Variants in FRMD3 observed in about 807,000 individuals in gnomAD.
FRMD3 encodes the protein FERM domain-containing protein 3.
FRMD3 carries 33 observed loss-of-function variants against 70.2 expected under a neutral mutation model. That is an observed-to-expected ratio of 0.47 (90% CI 0.36 to 0.63). FRMD3 has a LOEUF of 0.63. Ranked by LOEUF, FRMD3 falls within the 20% of genes least tolerant of loss-of-function variation. FRMD3 has a pLI of 0.00. For synonymous variants in FRMD3, 279 were observed against 255.9 expected (o/e 1.09, Z -0.86); for missense variants, 632 against 711.4 (o/e 0.89, Z 1.27).
chr9:83,265,550 G>A (rs1195291045), intron 13 of FRMD3, among the ~76,000 whole-genome samples: 1 of 151,946 alleles, frequency 6.6e-6, no homozygotes, highest in Non-Finnish European at 1.5e-5. Flanking sequence ...CAATCTATAA[G>A]GAAAGGACAA....
intron 1 of FRMD3, among the ~76,000 whole-genome samples, chr9:83,416,208 C>T (rs147730247): frequency 2.6e-4 from 39 of 152,340 alleles, no homozygotes; most frequent in Non-Finnish European, 3.7e-4. Flanking sequence ...TTCTCAACCA[C>T]GGTTTCCATT....
the FRMD3 span, among the ~76,000 whole-genome samples, chr9:83,560,555 G>A: frequency 6.6e-6 from 1 of 152,296 alleles, no homozygotes; most frequent in African/African-American, 2.4e-5. Flanking sequence ...GAGAATAAAT[G>A]CGTGTTGTTT....
chr9:83,430,518 T>G (rs1322418997), intron 1 of FRMD3, among the ~76,000 whole-genome samples: 1 of 152,184 alleles, frequency 6.6e-6, no homozygotes, highest in Non-Finnish European at 1.5e-5. Context: ...AGCTGGCAGA[T>G]CATAAGTCTC....
intron 1 of FRMD3, among the ~76,000 whole-genome samples, chr9:83,400,536 TTC>T (rs1825925101): frequency 1.3e-5 from 2 of 152,208 alleles, no homozygotes; most frequent in Non-Finnish European, 1.5e-5. Flanking sequence ...GACAGTCAGA[TTC>T]TGATGTTTTG....
chr9:83,303,287 G>T (rs1319801843), intron 10 of FRMD3, among the ~76,000 whole-genome samples: 2 of 152,140 alleles, frequency 1.3e-5, no homozygotes, highest in Admixed American at 6.5e-5. Context: ...CAGGAGGAAG[G>T]GATCCGCATT....
the FRMD3 span, among the ~76,000 whole-genome samples, chr9:83,578,660 T>C: frequency 1.3e-5 from 2 of 151,798 alleles, no homozygotes; most frequent in African/African-American, 4.8e-5. Context: ...CTTAACAGAT[T>C]AGGTACAGAA....
chr9:83,357,963 C>T (rs146665489), intron 3 of FRMD3, among the ~76,000 whole-genome samples: 3,301 of 152,098 alleles, frequency 0.022, 58 homozygotes, highest in Middle Eastern at 0.031. Context: ...TTTTGTTGCA[C>T]TTGCTTTTGG....
At chr9:83,506,205 T>A (rs1829178365) in intron 1 of FRMD3, among the ~76,000 whole-genome samples, 1 of 152,228 alleles carries the variant, frequency 6.6e-6, no homozygotes, top group South Asian at 2.1e-4. Context: ...GATTTTTTTT[T>A]AAAGTTAAAG....
intron 13 of FRMD3, among the ~76,000 whole-genome samples, chr9:83,260,582 C>T (rs573301989): frequency 6.6e-6 from 1 of 152,226 alleles, no homozygotes; most frequent in South Asian, 2.1e-4. Context: ...CCTTTTCACT[C>T]TCAAATAAAT....
chr9:83,513,336 G>T (rs1829382080), intron 1 of FRMD3, among the ~76,000 whole-genome samples: 1 of 152,222 alleles, frequency 6.6e-6, no homozygotes, highest in Admixed American at 6.5e-5. Flanking sequence ...TCTGCAGAGA[G>T]TACTAACCTC....
intron 13 of FRMD3, chr9:83,279,010 C>T (rs925853900): frequency 2.0e-5 from 3 of 152,286 alleles, no homozygotes; most frequent in African/African-American, 7.2e-5. Flanking sequence ...AGGTGCTAGG[C>T]AGGTACTGAG....
intron 12 of FRMD3, among the ~76,000 whole-genome samples, chr9:83,293,346 G>A (rs1389476368): frequency 6.6e-6 from 1 of 152,134 alleles, no homozygotes; most frequent in Non-Finnish European, 1.5e-5. Context: ...TGTGTGGTCT[G>A]TGTAGCTTTC....
chr9:83,584,640 C>A, the FRMD3 span, among the ~76,000 whole-genome samples: 6 of 152,262 alleles, frequency 3.9e-5, no homozygotes, highest in South Asian at 8.3e-4. Context: ...AGATTTCAAG[C>A]AAATTTCACT....
At chr9:83,512,436 G>A (rs1198261999) in intron 1 of FRMD3, among the ~76,000 whole-genome samples, 1 of 152,174 alleles carries the variant, frequency 6.6e-6, no homozygotes, top group South Asian at 2.1e-4. Flanking sequence ...GAGAGTGGCT[G>A]GGAGTATCAC....
intron 10 of FRMD3, among the ~76,000 whole-genome samples, chr9:83,302,940 C>T (rs192399928): frequency 1.2e-4 from 18 of 152,308 alleles, no homozygotes; most frequent in Admixed American, 2.6e-4. Flanking sequence ...AAAGTCCCAA[C>T]ACAAGAAGTA....
chr9:83,359,776 C>T (rs1488381571), intron 3 of FRMD3, among the ~76,000 whole-genome samples: 5 of 152,088 alleles, frequency 3.3e-5, no homozygotes, highest in African/African-American at 7.2e-5. Flanking sequence ...CTAGGTGTGG[C>T]CTGCGACCCG....
At chr9:83,341,354 G>A (rs1230253126) in intron 5 of FRMD3, among the ~76,000 whole-genome samples, 1 of 152,140 alleles carries the variant, frequency 6.6e-6, no homozygotes, top group Non-Finnish European at 1.5e-5. Context: ...CGTCTGGATG[G>A]AGGCTCCGTG....
At chr9:83,286,100 A>G (rs543458305) in intron 13 of FRMD3, among the ~76,000 whole-genome samples, 6 of 152,354 alleles carry the variant, frequency 3.9e-5, no homozygotes, top group East Asian at 1.9e-4. Flanking sequence ...AATCTGGGCA[A>G]TAACACTCTG....
At chr9:83,421,356 T>G (rs1826637996) in intron 1 of FRMD3, among the ~76,000 whole-genome samples, 1 of 152,214 alleles carries the variant, frequency 6.6e-6, no homozygotes, top group Non-Finnish European at 1.5e-5. Context: ...CTATTCACAT[T>G]TTTGCCTTGA....
Sources: gnomAD v4.1 joint callset for allele counts (sites outside exome capture counted in the v4.1 genomes callset) on GRCh38, gnomAD v4.1.1 for gene constraint, MANE v1.5 for transcripts, NCBI Gene and HGNC (gene_info 2026-07-23, HGNC 2026-07-21) for gene names.